Variants in CPA6 observed in about 807,000 individuals in gnomAD.
CPA6 encodes carboxypeptidase B.
A neutral mutation model predicts 63.3 loss-of-function variants in CPA6; 58 were observed. That is an observed-to-expected ratio of 0.92 (90% CI 0.74 to 1.14). The LOEUF is 1.14. CPA6 is among the 50% of genes most tolerant of loss of function. The probability of loss-of-function intolerance (pLI) is 0.00; values close to 1 mark genes in which losing one functional copy is unlikely to be tolerated. For synonymous variants in CPA6, 185 were observed against 179.0 expected (o/e 1.03, Z -0.27); for missense variants, 565 against 526.6 (o/e 1.07, Z -0.71).
In CPA6 at chr8:67,655,463, T is replaced by C. The variant is rs547760128; in HGVS notation, c.117-31212A>G. 2.6e-5 allele frequency among the ~76,000 whole-genome samples: 4 copies of C among 152,300 alleles called. No individual in the cohort carries two copies. The East Asian group carries it at 7.7e-4, about 29-fold the overall frequency. Reference sequence around the variant, plus strand: ...ATTTTGATGGAAAGGGATGAGGAACTATGTCCTTCTTGAGATTAATCCTAA... The same window carrying C: ...ATTTTGATGGAAAGGGATGAGGAACCATGTCCTTCTTGAGATTAATCCTAA... On this transcript the variant is annotated intron_variant, in intron 1 of 10. Transcript: ENST00000297770.
chr8:67,459,529 T>G (rs1347410549), intron 8 of CPA6, among the ~76,000 whole-genome samples: 1 of 152,190 alleles, frequency 6.6e-6, no homozygotes, highest in East Asian at 1.9e-4. Flanking sequence ...GGTTACCTGC[T>G]GTGGTTCCAA....
chr8:67,528,657 A>C (rs1359701906), intron 2 of CPA6, among the ~76,000 whole-genome samples: 1 of 151,830 alleles, frequency 6.6e-6, no homozygotes, highest in Non-Finnish European at 1.5e-5. Context: ...CTTCCTCCAC[A>C]TCCCTCAATT....
At chr8:67,542,627 G>T (rs1363060050) in intron 2 of CPA6, among the ~76,000 whole-genome samples, 3 of 152,268 alleles carry the variant, frequency 2.0e-5, no homozygotes, top group Admixed American at 6.5e-5. Context: ...GTAATTTAGG[G>T]TAATATCAAA....
intron 1 of CPA6, among the ~76,000 whole-genome samples, chr8:67,722,547 G>T (rs62511415): frequency 6.6e-6 from 1 of 152,100 alleles, no homozygotes; most frequent in Non-Finnish European, 1.5e-5. Context: ...TCACAGTACC[G>T]AACTTCTCTC....
intron 2 of CPA6, among the ~76,000 whole-genome samples, chr8:67,600,952 C>T (rs562536375): frequency 1.9e-4 from 29 of 152,256 alleles, no homozygotes; most frequent in African/African-American, 6.5e-4. Flanking sequence ...TTTGTCAAAA[C>T]ACTACTCTTT....
chr8:67,477,317 A>G (rs1024175218), intron 8 of CPA6, among the ~76,000 whole-genome samples: 23 of 151,756 alleles, frequency 1.5e-4, no homozygotes, highest in Non-Finnish European at 2.5e-4. Context: ...AAAGGAAAAA[A>G]AAAAAAGCAT....
At chr8:67,683,176 C>A (rs1224851279) in intron 1 of CPA6, among the ~76,000 whole-genome samples, 1 of 152,180 alleles carries the variant, frequency 6.6e-6, no homozygotes, top group Admixed American at 6.5e-5. Context: ...CCTATTGTAC[C>A]TGATGTTCCA....
chr8:67,708,123 G>A (rs1047718301), intron 1 of CPA6, among the ~76,000 whole-genome samples: 2 of 152,098 alleles, frequency 1.3e-5, no homozygotes, highest in Non-Finnish European at 2.9e-5. Context: ...GTTTTTGATG[G>A]CACAAACCCA....
At chr8:67,538,954 C>T (rs1031057435) in intron 2 of CPA6, among the ~76,000 whole-genome samples, 13 of 152,106 alleles carry the variant, frequency 8.5e-5, no homozygotes, top group Non-Finnish European at 1.3e-4. Context: ...CCACCACGCC[C>T]GGCCCAGTCT....
intron 2 of CPA6, among the ~76,000 whole-genome samples, chr8:67,557,033 A>G (rs1813078711): frequency 6.6e-6 from 1 of 152,134 alleles, no homozygotes; most frequent in South Asian, 2.1e-4. Flanking sequence ...TCCCTAGTAA[A>G]TTGCATTTAT....
At chr8:67,527,866 C>G (rs1200884850) in intron 2 of CPA6, among the ~76,000 whole-genome samples, 2 of 152,148 alleles carry the variant, frequency 1.3e-5, no homozygotes, top group African/African-American at 4.8e-5. Context: ...TAATTGTCAG[C>G]TGATGTGAAA....
At chr8:67,447,550 CACA>C (rs1416793245) in intron 8 of CPA6, among the ~76,000 whole-genome samples, 8,843 of 144,046 alleles carry the variant, frequency 0.061, 579 homozygotes, top group African/African-American at 0.18. Flanking sequence ...CACACACATA[CACA>C]TTTTAAATAG....
intron 2 of CPA6, among the ~76,000 whole-genome samples, chr8:67,588,445 T>C (rs1213210956): frequency 6.6e-6 from 1 of 152,116 alleles, no homozygotes; most frequent in East Asian, 1.9e-4. Context: ...ATTTTGATTA[T>C]TTTTGGGTTA....
chr8:67,553,837 T>C (rs1813002566), intron 2 of CPA6, among the ~76,000 whole-genome samples: 1 of 152,188 alleles, frequency 6.6e-6, no homozygotes, highest in Non-Finnish European at 1.5e-5. Context: ...TATGCCTAAT[T>C]TGGGTCCCCA....
intron 2 of CPA6, among the ~76,000 whole-genome samples, chr8:67,585,011 G>A (rs1425118752): frequency 2.0e-5 from 3 of 151,918 alleles, no homozygotes; most frequent in Non-Finnish European, 4.4e-5. Flanking sequence ...GTTGTTGGCA[G>A]TAACCAGAAT....
At chr8:67,510,125 T>G (rs1470942033) in intron 4 of CPA6, among the ~76,000 whole-genome samples, 1 of 152,204 alleles carries the variant, frequency 6.6e-6, no homozygotes, top group Non-Finnish European at 1.5e-5. Flanking sequence ...CTGAGCTACA[T>G]ATCAGAGGGC....
intron 1 of CPA6, among the ~76,000 whole-genome samples, chr8:67,650,592 A>G (rs1815813747): frequency 1.3e-5 from 2 of 152,148 alleles, no homozygotes; most frequent in South Asian, 4.1e-4. Context: ...TGCCAGAGAA[A>G]TGCCATGTGC....
intron 1 of CPA6, among the ~76,000 whole-genome samples, chr8:67,626,855 C>T (rs1308220014): frequency 6.6e-6 from 1 of 151,590 alleles, no homozygotes; most frequent in Non-Finnish European, 1.5e-5. Context: ...TGTTTTACAG[C>T]CATGAGAATA....
At chr8:67,568,278 C>G (rs942221306) in intron 2 of CPA6, among the ~76,000 whole-genome samples, 1 of 151,628 alleles carries the variant, frequency 6.6e-6, no homozygotes, top group African/African-American at 2.4e-5. Context: ...CCAAAACAAA[C>G]AAAGAAAAAA....
Sources: allele counts gnomAD v4.1 joint callset (sites outside exome capture counted in the v4.1 genomes callset), GRCh38; gene constraint gnomAD v4.1.1; transcripts MANE v1.5; gene names NCBI Gene and HGNC (gene_info 2026-07-23, HGNC 2026-07-21).